The following XPR1 variants were observed in gnomAD, a reference collection of about 807,000 sequenced individuals.
XPR1 encodes the protein solute carrier family 53 member 1.
Under a neutral mutation model 87.5 loss-of-function variants are expected in XPR1, and 28 were observed. That is an observed-to-expected ratio of 0.32 (90% CI 0.24 to 0.44). The LOEUF (loss-of-function observed/expected upper bound fraction) is 0.44, where lower values mean the gene tolerates loss of function less well. Ranked by LOEUF, XPR1 falls within the 20% of genes least tolerant of loss-of-function variation. XPR1 has a pLI of 1.00. For synonymous variants in XPR1, 300 were observed against 306.1 expected (o/e 0.98, Z 0.21); for missense variants, 559 against 862.3 (o/e 0.65, Z 4.41).
intron 7 of XPR1, among the ~76,000 whole-genome samples, chr1:180,818,438 T>G (rs887074396): frequency 2.6e-5 from 4 of 152,120 alleles, no homozygotes. Context: ...ATCCTTGTGA[T>G]CCTGGGCAAG....
At chr1:180,745,659 G>A (rs1659067735) in intron 2 of XPR1, among the ~76,000 whole-genome samples, 1 of 152,138 alleles carries the variant, frequency 6.6e-6, no homozygotes, top group South Asian at 2.1e-4. Context: ...AGATTTAGAG[G>A]ATTTTTGGAA....
intron 2 of XPR1, among the ~76,000 whole-genome samples, chr1:180,732,054 G>A (rs1459881774): frequency 3.9e-5 from 6 of 152,070 alleles, no homozygotes; most frequent in East Asian, 1.9e-4. Flanking sequence ...TTAGCCAGGC[G>A]TGGTCACGTG....
chr1:180,823,710 T>C (rs1363767178), intron 7 of XPR1, among the ~76,000 whole-genome samples: 1 of 152,170 alleles, frequency 6.6e-6, no homozygotes, highest in Non-Finnish European at 1.5e-5. Context: ...GTGGACATAA[T>C]GGGCAATAGA....
At chr1:180,721,015 A>T (rs1658164451) in intron 2 of XPR1, among the ~76,000 whole-genome samples, 2 of 152,094 alleles carry the variant, frequency 1.3e-5, no homozygotes, top group South Asian at 4.1e-4. Context: ...CAGGCAGATC[A>T]CTTGAGATCT....
At chr1:180,754,809 T>C (rs1169874960) in intron 2 of XPR1, among the ~76,000 whole-genome samples, 15 of 152,064 alleles carry the variant, frequency 9.9e-5, no homozygotes, top group Non-Finnish European at 2.9e-5. Flanking sequence ...TTTTCTCCTT[T>C]CTCAAAAAAT....
At chr1:180,806,434 T>G (rs1357333698) in intron 5 of XPR1, 40 bp from the exon 6 acceptor site, 5 of 1,600,626 alleles carry the variant, frequency 3.1e-6, no homozygotes, top group Admixed American at 1.7e-5. Context: ...CACTCAAGTT[T>G]AGTATAACCT....
At chr1:180,812,626 C>T (rs1650260090) in intron 7 of XPR1, among the ~76,000 whole-genome samples, 1 of 151,764 alleles carries the variant, frequency 6.6e-6, no homozygotes, top group Admixed American at 6.6e-5. Context: ...TGGCCAGTGC[C>T]ACTCTTGTCT....
At chr1:180,758,086 T>C (rs749558706) in intron 2 of XPR1, among the ~76,000 whole-genome samples, 1 of 148,670 alleles carries the variant, frequency 6.7e-6, no homozygotes, top group Non-Finnish European at 1.5e-5. Context: ...AGGATATATG[T>C]ATACATATAT....
intron 2 of XPR1, among the ~76,000 whole-genome samples, chr1:180,728,373 G>A (rs914035863): frequency 2.6e-5 from 4 of 151,230 alleles, no homozygotes. Flanking sequence ...ACCACAAACT[G>A]ATACCAGCCA....
chr1:180,880,622 T>C (rs1044179190), intron 14 of XPR1, among the ~76,000 whole-genome samples: 1 of 152,228 alleles, frequency 6.6e-6, no homozygotes, highest in Non-Finnish European at 1.5e-5. Flanking sequence ...TTTTATGTTA[T>C]AAACTTTAGG....
chr1:180,879,926 C>A (rs890810768), intron 13 of XPR1, 150 bp from the exon 14 acceptor site: 3 of 814,680 alleles, frequency 3.7e-6, no homozygotes, highest in Non-Finnish European at 5.8e-6. Context: ...ACCACCTCCC[C>A]GCAACACCAT....
At chr1:180,671,232 G>A (rs989802571) in intron 1 of XPR1, among the ~76,000 whole-genome samples, 2 of 152,130 alleles carry the variant, frequency 1.3e-5, no homozygotes, top group African/African-American at 4.8e-5. Flanking sequence ...AAGTTTTTGG[G>A]TAGGAGAATC....
At chr1:180,687,226 GAT>G (rs1193878152) in intron 2 of XPR1, among the ~76,000 whole-genome samples, 2 of 152,008 alleles carry the variant, frequency 1.3e-5, no homozygotes, top group Non-Finnish European at 2.9e-5. Flanking sequence ...AAATGATGAT[GAT>G]ATTTATTCAT....
intron 2 of XPR1, among the ~76,000 whole-genome samples, chr1:180,725,694 ACTAT>A (rs1658315138): frequency 6.6e-6 from 1 of 152,220 alleles, no homozygotes; most frequent in East Asian, 1.9e-4. Flanking sequence ...ACCTAGATAT[ACTAT>A]CTCTCATTTT....
At chr1:180,738,366 A>T (rs1169164455) in intron 2 of XPR1, among the ~76,000 whole-genome samples, 2 of 152,160 alleles carry the variant, frequency 1.3e-5, no homozygotes, top group Non-Finnish European at 2.9e-5. Flanking sequence ...ACCATTTTGC[A>T]TTCCCACCAG....
chr1:180,632,115 G>A lies in XPR1; in HGVS notation c.-87G>A. On this transcript the variant is annotated 5_prime_UTR_variant, in exon 1 of 15. Coordinates refer to ENST00000367590, the MANE Select transcript of XPR1 (RefSeq NM_004736.4). ...GAAGCGCAGCGCCGCGCCGCGCCGG[G>A]GCCCATGTGGGGAGGAGTCGGAGTC... 1 of 1,490,776 alleles carries A rather than the reference G, an allele frequency of 6.7e-7. No homozygotes were observed. Among genetic ancestry groups the A allele is most frequent in the Non-Finnish European group, 9.2e-7 (1 of 1,091,882 alleles). 92.3% of individuals were successfully genotyped at this position (1,490,776 alleles called of 1,614,324 possible). A position where few individuals can be genotyped will look rare whatever the true frequency, so the allele number is the denominator to read the frequency against.
At chr1:180,719,434 GC>G (rs1220419259) in intron 2 of XPR1, among the ~76,000 whole-genome samples, 1 of 152,180 alleles carries the variant, frequency 6.6e-6, no homozygotes, top group Non-Finnish European at 1.5e-5. Flanking sequence ...AATTGTTGAA[GC>G]AGAGCATTGG....
At chr1:180,757,308 T>C (rs1356646322) in intron 2 of XPR1, among the ~76,000 whole-genome samples, 1 of 152,170 alleles carries the variant, frequency 6.6e-6, no homozygotes, top group African/African-American at 2.4e-5. Context: ...TTGTTGCTGC[T>C]CCTGAAAAAT....
chr1:180,666,264 T>C (rs1254706387), intron 1 of XPR1, among the ~76,000 whole-genome samples: 2 of 152,236 alleles, frequency 1.3e-5, no homozygotes, highest in Non-Finnish European at 2.9e-5. Flanking sequence ...CTTGTAGCTG[T>C]TCAGCGTCCC....
Sources: allele counts gnomAD v4.1 joint callset (sites outside exome capture counted in the v4.1 genomes callset), GRCh38; gene constraint gnomAD v4.1.1; transcripts MANE v1.5; gene names NCBI Gene and HGNC (gene_info 2026-07-23, HGNC 2026-07-21).